STRN: variants seen among roughly 807,000 people sequenced by gnomAD.
STRN encodes striatin.
In STRN, 53 loss-of-function variants were observed where a neutral mutation model predicts 96.3. The ratio of observed to expected loss-of-function variants is 0.55; its 90% CI spans 0.44 to 0.69. STRN has a LOEUF of 0.69. Among genes scored for constraint, STRN ranks in the 30% least tolerant of loss-of-function variants. The probability of loss-of-function intolerance (pLI) is 0.00; values close to 1 mark genes in which losing one functional copy is unlikely to be tolerated. For synonymous variants in STRN, 428 were observed against 355.9 expected (o/e 1.20, Z -2.28); for missense variants, 987 against 963.9 (o/e 1.02, Z -0.32).
At chr2:36,872,420 C>G (rs1434816396) in intron 10 of STRN, among the ~76,000 whole-genome samples, 3 of 152,252 alleles carry the variant, frequency 2.0e-5, no homozygotes, top group African/African-American at 7.2e-5. Context: ...TCAGGTGATA[C>G]TGCAGCTCTG....
intron 1 of STRN, among the ~76,000 whole-genome samples, chr2:36,929,465 C>G (rs1384162766): frequency 6.6e-6 from 1 of 151,812 alleles, no homozygotes; most frequent in Non-Finnish European, 1.5e-5. Context: ...CTCACTGCAA[C>G]TTCAGCCTCC....
intron 6 of STRN, among the ~76,000 whole-genome samples, chr2:36,895,756 CAAA>C (rs55863837): frequency 9.9e-4 from 130 of 130,884 alleles, no homozygotes; most frequent in Admixed American, 1.0e-3. Context: ...ACTAAAAATA[CAAA>C]AAAAAAAAAA....
chr2:36,905,753 T>A, intron 3 of STRN, 135 bp from the exon 4 acceptor site: 1 of 679,072 alleles, frequency 1.5e-6, no homozygotes, highest in Middle Eastern at 4.2e-4. Context: ...TGTGTTAGGA[T>A]AATGTAAGTT....
At chr2:36,920,348 A>G (rs1670219592) in intron 2 of STRN, among the ~76,000 whole-genome samples, 1 of 152,222 alleles carries the variant, frequency 6.6e-6, no homozygotes, top group Non-Finnish European at 1.5e-5. Flanking sequence ...TTCAAAAGAA[A>G]CAAAACCAGG....
At chr2:36,935,029 G>C (rs1210109941) in intron 1 of STRN, among the ~76,000 whole-genome samples, 2 of 152,136 alleles carry the variant, frequency 1.3e-5, no homozygotes, top group Admixed American at 6.5e-5. Context: ...AGTGAACTGA[G>C]ACTACACCAC....
rs1010015463 is a variant in STRN, at chr2:36,848,925, G to A, written c.*531C>T. The A allele has an allele frequency of 1.3e-5, 2 of 153,206 alleles. No individual in the cohort carries two copies. The highest frequency in any genetic ancestry group is 2.9e-5 in the Non-Finnish European group (2 of 68,480). The allele number at this position is 153,206 out of a possible 1,614,324, so 9.5% of individuals were successfully genotyped here. On this transcript the variant is annotated 3_prime_UTR_variant, in exon 18 of 18. Coordinates refer to ENST00000263918, the MANE Select transcript of STRN (RefSeq NM_003162.4). ...GGTGCTTTATGTGAACAGCTGAAAG[G>A]AGAGTCAAATTAAAAACTCAGTTTA... is the stretch of plus-strand genomic sequence containing the variant.
At chr2:36,904,557 T>C (rs572964242) in intron 4 of STRN, among the ~76,000 whole-genome samples, 22 of 152,342 alleles carry the variant, frequency 1.4e-4, no homozygotes, top group African/African-American at 5.0e-4. Context: ...CCGGGCATGG[T>C]GGCTCACACC....
chr2:36,927,192 A>G (rs1670432700), intron 1 of STRN, among the ~76,000 whole-genome samples: 1 of 152,118 alleles, frequency 6.6e-6, no homozygotes, highest in African/African-American at 2.4e-5. Context: ...AACTTCAAGC[A>G]TAAGAGAAAT....
At chr2:36,893,338 T>A (rs1178466603) in intron 7 of STRN, among the ~76,000 whole-genome samples, 1 of 152,180 alleles carries the variant, frequency 6.6e-6, no homozygotes, top group Non-Finnish European at 1.5e-5. Context: ...ATGCACAACA[T>A]TTTTACAGGA....
intron 1 of STRN, among the ~76,000 whole-genome samples, 168 bp downstream of exon 1, chr2:36,966,062 C>A (rs1396731752): frequency 6.9e-6 from 1 of 144,944 alleles, no homozygotes; most frequent in Non-Finnish European, 1.5e-5. Context: ...GTGGGGTCAG[C>A]GAAAGGCAAA....
chr2:36,944,713 G>C (rs1434114197), intron 1 of STRN, among the ~76,000 whole-genome samples: 1 of 152,140 alleles, frequency 6.6e-6, no homozygotes, highest in Non-Finnish European at 1.5e-5. Context: ...TAAATGGACA[G>C]AAAGACATTC....
intron 3 of STRN, among the ~76,000 whole-genome samples, chr2:36,914,622 C>T (rs1670043968): frequency 6.6e-6 from 1 of 152,186 alleles, no homozygotes; most frequent in Non-Finnish European, 1.5e-5. Context: ...TAATACACTA[C>T]TACACTGAAT....
chr2:36,862,247 A>C (rs768641433), intron 12 of STRN, among the ~76,000 whole-genome samples: 21 of 152,206 alleles, frequency 1.4e-4, no homozygotes, highest in Non-Finnish European at 2.8e-4. Flanking sequence ...TTATAGCAGA[A>C]TGATTTATAT....
At position 36,869,658 on chromosome 2, in the gene STRN, G is replaced by A. The variant is rs530366296; in HGVS notation, c.1395C>T (p.Gly465=). The A allele has an allele frequency of 2.5e-6, 4 of 1,612,570 alleles. No individual in the cohort carries two copies. The South Asian group carries it at 4.4e-5, about 18-fold the overall frequency. The stretch of plus-strand genomic sequence containing the variant: ...TGGGATGGAAAGCAAGGGCTCGGAT[G>A]CCATCAAAGTGACTTCTCAATGTAA... ...PKFTLRSHFD[G]IRALAFHPIE... Residue 465 remains glycine (G), a synonymous_variant, in exon 11 of 18, where the codon GGC becomes GGT. Coordinates refer to ENST00000263918, the MANE Select transcript of STRN (RefSeq NM_003162.4).
chr2:36,951,612 CAT>C (rs1052259107), intron 1 of STRN, among the ~76,000 whole-genome samples: 3 of 152,208 alleles, frequency 2.0e-5, no homozygotes, highest in Non-Finnish European at 2.9e-5. Context: ...TATATAGACA[CAT>C]GTTAATACAT....
chr2:36,850,007 G>C (rs535111834), intron 16 of STRN, among the ~76,000 whole-genome samples: 2 of 152,256 alleles, frequency 1.3e-5, no homozygotes, highest in Non-Finnish European at 2.9e-5. Context: ...TCAAATTTTA[G>C]ATTACACTTT....
At position 36,855,297 on chromosome 2, in the gene STRN, T is replaced by C. The variant is rs549361122; in HGVS notation, c.1893A>G (p.Val631=). 2.5e-6 allele frequency: 4 copies of C among 1,613,920 alleles called. No individual in the cohort carries two copies. In the Admixed American group the frequency reaches 6.7e-5, roughly 27 times the overall value. ...DLVSSDPSHM[V]ASFSKGYTSI... ...TTGTATATCCCTTGCTGAATGATGC[T>C]ACCATATGGCTCGGGTCACTGCTCA... The change falls in exon 15 of 18, where the codon GTA becomes GTG. Residue 631 remains valine (V), a synonymous_variant. Coordinates refer to ENST00000263918, the MANE Select transcript of STRN (RefSeq NM_003162.4).
chr2:36,905,515 A>G (rs374188198), intron 4 of STRN, 25 bp downstream of exon 4: 20 of 1,601,514 alleles, frequency 1.2e-5, no homozygotes, highest in African/African-American at 9.4e-5. Context: ...TCAGCCATTT[A>G]TAAGTTTCAC....
intron 9 of STRN, among the ~76,000 whole-genome samples, chr2:36,879,266 TC>T (rs1043637204): frequency 6.6e-6 from 1 of 151,842 alleles, no homozygotes; most frequent in African/African-American, 2.4e-5. Context: ...AGACGGGGTT[TC>T]CCCATGTTGA....
Sources: allele counts gnomAD v4.1 joint callset (sites outside exome capture counted in the v4.1 genomes callset), GRCh38; gene constraint gnomAD v4.1.1; transcripts MANE v1.5; gene names NCBI Gene and HGNC (gene_info 2026-07-23, HGNC 2026-07-21).